The following CEP290 variants were observed in gnomAD, a reference collection of about 807,000 sequenced individuals.
CEP290 encodes centrosomal protein 290.
In CEP290, 317 loss-of-function variants were observed where a neutral mutation model predicts 344.9. That is an observed-to-expected ratio of 0.92 (90% CI 0.84 to 1.01). The LOEUF (loss-of-function observed/expected upper bound fraction) is 1.01. Among genes scored for constraint, CEP290 ranks in the 50% least tolerant of loss-of-function variants. CEP290 has a pLI of 0.00. For missense variants in CEP290, 2,754 were observed against 2,761.4 expected (o/e 1.00, Z 0.06); for synonymous variants, 932 against 895.8 (o/e 1.04, Z -0.72).
At chr12:88,058,772 A>T in intron 49 of CEP290, 76 bp downstream of exon 49, 2 of 1,399,952 alleles carry the variant, frequency 1.4e-6, no homozygotes, top group South Asian at 2.5e-5. Context: ...GGTTATCCAG[A>T]ATAGTGTTGT....
At chr12:88,054,898 A>G (rs2033875238) in intron 50 of CEP290, among the ~76,000 whole-genome samples, 1 of 152,150 alleles carries the variant, frequency 6.6e-6, no homozygotes, top group African/African-American at 2.4e-5. Flanking sequence ...AGTATTCTAA[A>G]CAAAGGAAAC....
chr12:88,072,991 T>C (rs1178355392), intron 41 of CEP290, among the ~76,000 whole-genome samples: 1 of 152,144 alleles, frequency 6.6e-6, no homozygotes, highest in African/African-American at 2.4e-5. Flanking sequence ...GTAGGTGTCA[T>C]GGTTTATTAT....
Position 88,136,642 on chromosome 12 carries a change from C to T in CEP290, c.441+1G>A, listed in dbSNP as rs1184012636. On this transcript the variant is annotated splice_donor_variant, in intron 6 of 53. Transcript: ENST00000552810. LOFTEE classifies it high-confidence loss of function. ...ATTCATGGAAAAAAAAAGTGCTTTA[C>T]TTGCTCATTAACTTTCTTCTCTTTC... is the stretch of plus-strand genomic sequence containing the variant. The T allele has an allele frequency of 1.2e-6, 2 of 1,613,376 alleles. No individual in the cohort carries two copies. Among genetic ancestry groups the T allele is most frequent in the Non-Finnish European group, 1.7e-6 (2 of 1,179,552 alleles).
chr12:88,100,095 C>T (rs771602715), intron 26 of CEP290, among the ~76,000 whole-genome samples: 1 of 151,948 alleles, frequency 6.6e-6, no homozygotes, highest in Non-Finnish European at 1.5e-5. Flanking sequence ...GCCCGGCCAA[C>T]ATGGCAAAAC....
intron 46 of CEP290, among the ~76,000 whole-genome samples, chr12:88,061,651 T>G (rs2034489139): frequency 6.6e-6 from 1 of 152,212 alleles, no homozygotes; most frequent in South Asian, 2.1e-4. Context: ...TCCTGAAATA[T>G]AAACTTTTAC....
chr12:88,110,648 G>A (rs1419839018), intron 22 of CEP290, among the ~76,000 whole-genome samples: 2 of 152,094 alleles, frequency 1.3e-5, no homozygotes, highest in African/African-American at 4.8e-5. Flanking sequence ...GGTGGAAGTT[G>A]CAGTGAGCCA....
At position 88,071,308 on chromosome 12, in the gene CEP290, A is replaced by G. The variant is rs1181495089; in HGVS notation, c.5997T>C (p.Asp1999=). Residue 1999 remains aspartate, a synonymous_variant, in exon 43 of 54, where the codon GAT becomes GAC. Transcript: ENST00000552810. ...TAATAGCTTACCTCATATACAATAT[A>G]TCATTTTCTAAGTCAAGATTTCTCT... is the stretch of plus-strand genomic sequence containing the variant. ...LKKRNLDLEN[D]ILYMRAHQAL... The G allele has an allele frequency of 1.2e-6, 2 of 1,605,058 alleles. No homozygotes were observed. Among genetic ancestry groups the G allele is most frequent in the Admixed American group, 1.7e-5 (1 of 59,090 alleles).
intron 32 of CEP290, 33 bp from the exon 33 acceptor site, chr12:88,086,531 C>T (rs1448200176): frequency 1.4e-6 from 2 of 1,469,262 alleles, no homozygotes; most frequent in East Asian, 2.4e-5. Context: ...CAGACACATA[C>T]ACGAAGACAT....
At position 88,136,635 on chromosome 12, in the gene CEP290, T is replaced by G. The variant is rs1446205424; in HGVS notation, c.441+8A>C. The stretch of plus-strand genomic sequence containing the variant: ...AGTGAAGATTCATGGAAAAAAAAAG[T>G]GCTTTACTTGCTCATTAACTTTCTT... On this transcript the variant is annotated splice_region_variant and intron_variant, in intron 6 of 53. Transcript: ENST00000552810. 1 of 1,613,086 alleles carries G rather than the reference T, an allele frequency of 6.2e-7. No homozygotes were observed. Among genetic ancestry groups the G allele is most frequent in the African/African-American group, 1.3e-5 (1 of 74,998 alleles).
chr12:88,121,630 A>G (rs1284812754), intron 13 of CEP290, among the ~76,000 whole-genome samples: 1 of 142,864 alleles, frequency 7.0e-6, no homozygotes, highest in African/African-American at 2.6e-5. Flanking sequence ...AAAAAAAAAA[A>G]TGTTTTTAAA....
chr12:88,141,189 A>T lies in CEP290; in HGVS notation c.102+17T>A. ...TAAGTTAATGTATATATCTATTATT[A>T]TTGACCAATTAAGCACCTTGGATAA... On this transcript the variant is annotated intron_variant, in intron 2 of 53. Coordinates refer to ENST00000552810, the MANE Select transcript of CEP290 (RefSeq NM_025114.4). 1 of 1,548,092 alleles carries T rather than the reference A, an allele frequency of 6.5e-7. No individual in the cohort carries two copies. Among genetic ancestry groups the T allele is most frequent in the African/African-American group, 1.4e-5 (1 of 72,814 alleles).
At chr12:88,074,734 C>A (rs2035633658) in intron 41 of CEP290, among the ~76,000 whole-genome samples, 1 of 152,114 alleles carries the variant, frequency 6.6e-6, no homozygotes, top group South Asian at 2.1e-4. Context: ...GGGGGTCCTG[C>A]CCCATACCCT....
At chr12:88,093,091 T>C (rs1015040356) in intron 28 of CEP290, among the ~76,000 whole-genome samples, 33 of 152,154 alleles carry the variant, frequency 2.2e-4, no homozygotes, top group African/African-American at 8.0e-4. Flanking sequence ...ATATCTGAAC[T>C]TGCAATATTC....
intron 49 of CEP290, among the ~76,000 whole-genome samples, chr12:88,057,486 C>T (rs1418631623): frequency 6.6e-6 from 1 of 152,150 alleles, no homozygotes; most frequent in African/African-American, 2.4e-5. Flanking sequence ...GGCTCAGAGC[C>T]ACTGCTAGGG....
chr12:88,077,452 T>C (rs992882416), intron 40 of CEP290, 108 bp from the exon 41 acceptor site: 3 of 792,288 alleles, frequency 3.8e-6, no homozygotes, highest in Non-Finnish European at 5.7e-6. Context: ...TCACTGACCA[T>C]ACTTTCTAAA....
In CEP290 at chr12:88,064,208, CT is replaced by C. The variant is rs886858654; in HGVS notation, c.6136-94del. On this transcript the variant is annotated intron_variant, in intron 44 of 53. Transcript: ENST00000552810. ...ATAAGAAAATACTGTCAAAAGGTAACTTTTTTTCCTCAAAGGAATATGAGAA... is the reference window on the plus strand; with the variant it reads ...ATAAGAAAATACTGTCAAAAGGTAACTTTTTTCCTCAAAGGAATATGAGAA... The C allele has an allele frequency of 7.2e-5, 78 of 1,079,404 alleles. 3 individuals are homozygous for C. The Admixed American group carries it at 1.8e-3, about 25-fold the overall frequency. The allele number at this position is 1,079,404 out of a possible 1,614,324, so 66.9% of individuals were successfully genotyped here.
intron 26 of CEP290, among the ~76,000 whole-genome samples, chr12:88,098,486 C>T (rs1256287426): frequency 6.6e-6 from 1 of 151,822 alleles, no homozygotes; most frequent in Admixed American, 6.6e-5. Context: ...GTGATGCATA[C>T]CTGTAATCCC....
At chr12:88,098,871 C>T (rs1248387519) in intron 26 of CEP290, among the ~76,000 whole-genome samples, 1 of 151,994 alleles carries the variant, frequency 6.6e-6, no homozygotes, top group Non-Finnish European at 1.5e-5. Flanking sequence ...AGGACTGGAG[C>T]ACCCAAGCAG....
intron 22 of CEP290, among the ~76,000 whole-genome samples, chr12:88,109,460 G>A (rs964324024): frequency 5.5e-4 from 83 of 151,962 alleles, no homozygotes; most frequent in African/African-American, 2.0e-3. Flanking sequence ...CTAGTCACTC[G>A]GCCACATACC....
Sources: allele counts gnomAD v4.1 joint callset (sites outside exome capture counted in the v4.1 genomes callset), GRCh38; gene constraint gnomAD v4.1.1; transcripts MANE v1.5; gene names NCBI Gene and HGNC (gene_info 2026-07-23, HGNC 2026-07-21).